Variants in NAA35 observed in about 807,000 individuals in gnomAD.
The protein encoded by NAA35 is MAK10 homolog, amino-acid N-acetyltransferase subunit.
In NAA35, 18 loss-of-function variants were observed where a neutral mutation model predicts 101.7. That is an observed-to-expected ratio of 0.18 (90% CI 0.12 to 0.26). The LOEUF (loss-of-function observed/expected upper bound fraction) is 0.26, where lower values mean the gene tolerates loss of function less well. NAA35 is among the 10% of genes least tolerant of loss of function. The pLI, the probability that NAA35 is intolerant of heterozygous loss-of-function variation, is 1.00. For missense variants in NAA35, 601 were observed against 886.8 expected (o/e 0.68, Z 4.09); for synonymous variants, 267 against 273.1 (o/e 0.98, Z 0.22).
intron 2 of NAA35, among the ~76,000 whole-genome samples, chr9:85,947,387 T>C (rs996908342): frequency 6.6e-6 from 1 of 152,222 alleles, no homozygotes; most frequent in Non-Finnish European, 1.5e-5. Flanking sequence ...AGGAATTTAC[T>C]GTTTGTTAGC....
chr9:85,974,201 C>T (rs1351504654), intron 6 of NAA35, among the ~76,000 whole-genome samples: 2 of 152,086 alleles, frequency 1.3e-5, no homozygotes, highest in African/African-American at 4.8e-5. Context: ...TCAGGTAATC[C>T]ACCCGCCTCG....
At chr9:86,020,047 G>C (rs1311746690) in intron 21 of NAA35, among the ~76,000 whole-genome samples, 1 of 152,128 alleles carries the variant, frequency 6.6e-6, no homozygotes, top group Non-Finnish European at 1.5e-5. Flanking sequence ...TAAAAAGAAA[G>C]GTGCAGTTTA....
chr9:86,013,335 T>G (rs116424350), intron 16 of NAA35, among the ~76,000 whole-genome samples, 191 bp downstream of exon 16: 2,435 of 152,324 alleles, frequency 0.016, 70 homozygotes, highest in African/African-American at 0.055. Flanking sequence ...CTGATAGATA[T>G]CTTAAATATT....
chr9:86,024,395 G>C lies in NAA35; in HGVS notation c.*2435G>C, dbSNP rs1832692151. 6.6e-6 allele frequency among the ~76,000 whole-genome samples: 1 copy of C among 152,154 alleles called. No homozygotes were observed. Among genetic ancestry groups the C allele is most frequent in the Non-Finnish European group, 1.5e-5 (1 of 68,022 alleles). ...ATACCCAAAACCCTGGGAGGCCACAGGTTAAAGATTTTGGACTTTATTCTG... is the reference window on the plus strand; with the variant it reads ...ATACCCAAAACCCTGGGAGGCCACACGTTAAAGATTTTGGACTTTATTCTG... On this transcript the variant is annotated 3_prime_UTR_variant, in exon 23 of 23. Transcript: ENST00000361671.
At chr9:86,019,894 A>G (rs1372186381) in intron 21 of NAA35, among the ~76,000 whole-genome samples, 1 of 152,204 alleles carries the variant, frequency 6.6e-6, no homozygotes, top group Non-Finnish European at 1.5e-5. Flanking sequence ...TAATAGCAAA[A>G]AGTAGGAAGA....
At position 85,998,770 on chromosome 9, in the gene NAA35, C is replaced by T. The variant is rs191909934; in HGVS notation, c.1056+2193C>T. On this transcript the variant is annotated intron_variant, in intron 12 of 22. Transcript: ENST00000361671. ...TACTGTTGTTCTTAGGACATAAGTA[C>T]ACTAACATCTGTGGCATAGCTAGGC... is the stretch of plus-strand genomic sequence containing the variant. Among the ~76,000 whole-genome samples the T allele has an allele frequency of 5.7e-4, 87 of 152,238 alleles. 1 individual carries two copies. Among genetic ancestry groups the T allele is most frequent in the Non-Finnish European group, 1.1e-3 (74 of 68,016 alleles).
intron 2 of NAA35, among the ~76,000 whole-genome samples, chr9:85,945,780 A>C (rs1254754155): frequency 6.6e-6 from 1 of 152,084 alleles, no homozygotes; most frequent in African/African-American, 2.4e-5. Flanking sequence ...CGGCCTCTCA[A>C]AGTGCTGGGA....
intron 2 of NAA35, among the ~76,000 whole-genome samples, chr9:85,946,974 C>T (rs1036090435): frequency 3.3e-5 from 5 of 152,136 alleles, no homozygotes; most frequent in Non-Finnish European, 5.9e-5. Flanking sequence ...TTTCTATCTT[C>T]TCTCACCCAG....
intron 11 of NAA35, among the ~76,000 whole-genome samples, chr9:85,992,720 GAGAATA>G (rs1564312280): frequency 6.6e-6 from 1 of 152,214 alleles, no homozygotes; most frequent in East Asian, 1.9e-4. Flanking sequence ...CAGACTGAAG[GAGAATA>G]AGAGGCAGTG....
chr9:85,983,382 A>C (rs1830514755), intron 11 of NAA35, among the ~76,000 whole-genome samples: 1 of 152,188 alleles, frequency 6.6e-6, no homozygotes, highest in Non-Finnish European at 1.5e-5. Flanking sequence ...AGCAAATTCT[A>C]AATATGCTAA....
chr9:85,951,241 T>C (rs567596949), intron 2 of NAA35, among the ~76,000 whole-genome samples: 1 of 152,124 alleles, frequency 6.6e-6, no homozygotes, highest in African/African-American at 2.4e-5. Context: ...TATACAAAAG[T>C]AGAGTTTGAC....
intron 12 of NAA35, among the ~76,000 whole-genome samples, chr9:86,003,310 T>A (rs1158531447): frequency 6.6e-6 from 1 of 152,246 alleles, no homozygotes; most frequent in African/African-American, 2.4e-5. Flanking sequence ...AAATTATTAT[T>A]GGTATTATTT....
chr9:85,996,768 T>C (rs114623792), intron 12 of NAA35, among the ~76,000 whole-genome samples, 191 bp downstream of exon 12: 79 of 152,298 alleles, frequency 5.2e-4, no homozygotes, highest in African/African-American at 1.9e-3. Context: ...GGTTCATAAA[T>C]ACTATACATA....
intron 11 of NAA35, among the ~76,000 whole-genome samples, 173 bp from the exon 12 acceptor site, chr9:85,996,226 A>T (rs1020367069): frequency 3.3e-5 from 5 of 152,188 alleles, no homozygotes; most frequent in Admixed American, 6.5e-5. Flanking sequence ...TTTAGTTTTT[A>T]AAAAATGTAT....
At chr9:85,956,057 A>T (rs1829260928) in intron 2 of NAA35, among the ~76,000 whole-genome samples, 1 of 152,218 alleles carries the variant, frequency 6.6e-6, no homozygotes, top group South Asian at 2.1e-4. Context: ...GAAATATACT[A>T]GTGATTTTTA....
chr9:85,942,051 GTTT>G, intron 1 of NAA35, 101 bp from the exon 2 acceptor site: 2 of 1,491,312 alleles, frequency 1.3e-6, no homozygotes, highest in Non-Finnish European at 1.8e-6. Context: ...GCTTTAAAGA[GTTT>G]AGTTAAGACT....
chr9:86,004,463 G>C (rs1252515656), intron 13 of NAA35, among the ~76,000 whole-genome samples: 2 of 151,296 alleles, frequency 1.3e-5, no homozygotes, highest in Non-Finnish European at 2.9e-5. Flanking sequence ...TTGGGCAACA[G>C]AGTGAGACCC....
chr9:85,961,414 A>G (rs1829509400), intron 5 of NAA35, among the ~76,000 whole-genome samples: 1 of 152,230 alleles, frequency 6.6e-6, no homozygotes, highest in African/African-American at 2.4e-5. Flanking sequence ...AACCTAGTAT[A>G]ATATTTGAGA....
At chr9:85,970,920 A>G (rs1158846713) in intron 6 of NAA35, among the ~76,000 whole-genome samples, 1 of 152,180 alleles carries the variant, frequency 6.6e-6, no homozygotes. Context: ...TCATTTTGTC[A>G]TTATCACAAG....
Sources: gnomAD v4.1 joint callset for allele counts (sites outside exome capture counted in the v4.1 genomes callset) on GRCh38, gnomAD v4.1.1 for gene constraint, MANE v1.5 for transcripts, NCBI Gene and HGNC (gene_info 2026-07-23, HGNC 2026-07-21) for gene names.